Variants in NOXRED1 observed in about 807,000 individuals in gnomAD.
The protein encoded by NOXRED1 is NADP-dependent oxidoreductase domain-containing protein 1.
NOXRED1 carries 20 observed loss-of-function variants against 30.4 expected under a neutral mutation model. The ratio of observed to expected loss-of-function variants is 0.66; its 90% CI spans 0.46 to 0.96. NOXRED1 has a LOEUF of 0.96. NOXRED1 is among the 40% of genes least tolerant of loss of function. The pLI is 0.00. For synonymous variants in NOXRED1, 155 were observed against 168.0 expected (o/e 0.92, Z 0.60); for missense variants, 374 against 428.0 (o/e 0.87, Z 1.11).
intron 5 of NOXRED1, among the ~76,000 whole-genome samples, chr14:77,398,823 G>T (rs1478165572): frequency 1.3e-5 from 2 of 152,002 alleles, no homozygotes; most frequent in African/African-American, 4.8e-5. Context: ...ACAAAAATTA[G>T]CTGGGTGTGG....
At chr14:77,414,164 T>C (rs1894746273) in intron 1 of NOXRED1, 37 bp from the exon 2 acceptor site, 1 of 1,257,496 alleles carries the variant, frequency 8.0e-7, no homozygotes, top group African/African-American at 1.6e-5. Context: ...CATAAATACA[T>C]GCACACACTA....
chr14:77,415,181 AACACACACACACACACACACACAC>A (rs57039967), intron 1 of NOXRED1, among the ~76,000 whole-genome samples: 2 of 149,402 alleles, frequency 1.3e-5, no homozygotes, highest in African/African-American at 5.0e-5. Flanking sequence ...GTCTCAGGAA[AACACACACACACACACACACACAC>A]ACACACACAC....
Position 77,423,185 on chromosome 14 carries a change from G to T in NOXRED1, c.-296C>A. 3.3e-6 allele frequency: 1 copy of T among 306,818 alleles called. No individual in the cohort carries two copies. Among genetic ancestry groups the T allele is most frequent in the Non-Finnish European group, 6.0e-6 (1 of 166,780 alleles). The allele number at this position is 306,818 out of a possible 1,614,324, so 19.0% of individuals were successfully genotyped here. A position where few individuals can be genotyped will look rare whatever the true frequency, so the allele number is the denominator to read the frequency against. On this transcript the variant is annotated 5_prime_UTR_variant, in exon 1 of 6. The change creates a new upstream start codon in the 5' untranslated region. Coordinates refer to ENST00000380835, the MANE Select transcript of NOXRED1 (RefSeq NM_001113475.3). ...ACCCAAAGTATTGTTTCTCCACACA[G>T]GTTACAGGCACTGTTTTCGGCAGAT...
At chr14:77,416,583 A>G (rs1894830047) in intron 1 of NOXRED1, among the ~76,000 whole-genome samples, 1 of 152,184 alleles carries the variant, frequency 6.6e-6, no homozygotes, top group Non-Finnish European at 1.5e-5. Flanking sequence ...ACAAAATGAA[A>G]AGTCTCCCAT....
chr14:77,412,853 AT>A (rs1275750893), intron 2 of NOXRED1, among the ~76,000 whole-genome samples: 1 of 152,068 alleles, frequency 6.6e-6, no homozygotes, highest in East Asian at 1.9e-4. Context: ...ATGATACATT[AT>A]GTAAAAAAAA....
intron 5 of NOXRED1, among the ~76,000 whole-genome samples, chr14:77,405,068 C>T (rs894988902): frequency 2.0e-5 from 3 of 152,108 alleles, no homozygotes; most frequent in Non-Finnish European, 4.4e-5. Flanking sequence ...CATATGCCAC[C>T]GAAATACTGG....
chr14:77,415,917 G>T (rs1278048052), intron 1 of NOXRED1, among the ~76,000 whole-genome samples: 1 of 151,874 alleles, frequency 6.6e-6, no homozygotes, highest in Non-Finnish European at 1.5e-5. Flanking sequence ...GGTTCTCCAT[G>T]TTGGCCAGGC....
intron 2 of NOXRED1, among the ~76,000 whole-genome samples, chr14:77,412,996 G>C (rs543107955): frequency 6.6e-6 from 1 of 151,860 alleles, no homozygotes; most frequent in African/African-American, 2.4e-5. Flanking sequence ...TCTACAATAT[G>C]CATATTATTT....
intron 5 of NOXRED1, among the ~76,000 whole-genome samples, chr14:77,404,911 T>G (rs920581690): frequency 2.6e-5 from 4 of 152,188 alleles, no homozygotes; most frequent in Non-Finnish European, 5.9e-5. Flanking sequence ...TCAAAAATAT[T>G]TATTTGATAG....
upstream of NOXRED1, among the ~76,000 whole-genome samples, chr14:77,423,868 T>C (rs773560312): frequency 6.6e-6 from 1 of 152,200 alleles, no homozygotes; most frequent in East Asian, 1.9e-4. Flanking sequence ...AAATTAGCCA[T>C]TTTAAAGTGA....
At chr14:77,413,628 C>T (rs1417034009) in intron 2 of NOXRED1, among the ~76,000 whole-genome samples, 3 of 152,148 alleles carry the variant, frequency 2.0e-5, no homozygotes, top group African/African-American at 7.2e-5. Flanking sequence ...CAACCAGACC[C>T]TAACTGATTC....
chr14:77,422,728 G>A lies in NOXRED1; in HGVS notation c.155+7C>T, dbSNP rs148712624. ...TCCATCTTCCTGAATTTGGATACTC[G>A]GCTTACCTCAAATTATATAATAGTT... is the stretch of plus-strand genomic sequence containing the variant. On this transcript the variant is annotated splice_region_variant and intron_variant, in intron 1 of 5. Transcript: ENST00000380835. The A allele has an allele frequency of 8.7e-4, 1,402 of 1,613,144 alleles. 14 individuals carry two copies. The African/African-American group carries it at 0.016, about 18-fold the overall frequency.
chr14:77,401,350 C>T (rs948807140), intron 5 of NOXRED1, among the ~76,000 whole-genome samples: 2 of 151,196 alleles, frequency 1.3e-5, no homozygotes, highest in African/African-American at 4.9e-5. Context: ...CCAGCATGGG[C>T]AACAGAACAA....
intron 5 of NOXRED1, among the ~76,000 whole-genome samples, chr14:77,404,323 T>A (rs1177304178): frequency 6.6e-6 from 1 of 152,212 alleles, no homozygotes; most frequent in Non-Finnish European, 1.5e-5. Context: ...TGTCCATTGA[T>A]GATTGATTGG....
intron 5 of NOXRED1, 100 bp downstream of exon 5, chr14:77,405,813 T>G (rs1429385453): frequency 9.9e-6 from 7 of 704,094 alleles, no homozygotes; most frequent in Non-Finnish European, 2.4e-6. Flanking sequence ...ATAATTTTTA[T>G]CAATGTTTAA....
At chr14:77,423,615 C>T (rs548537746), upstream of NOXRED1, 84 of 152,298 alleles carry the variant, frequency 5.5e-4, no homozygotes, top group African/African-American at 2.0e-3. Context: ...GAGGCCAGCC[C>T]CACTTAGAGG....
At chr14:77,406,254 G>A in intron 4 of NOXRED1, 119 bp from the exon 5 acceptor site, 1 of 663,208 alleles carries the variant, frequency 1.5e-6, no homozygotes, top group African/African-American at 1.8e-5. Context: ...TTGGTAATAT[G>A]AACCACAAGA....
At position 77,405,856 on chromosome 14, in the gene NOXRED1, TTAAC is replaced by T. The variant is rs1894442902; in HGVS notation, c.905+53_905+56del. The T allele has an allele frequency of 3.9e-6, 4 of 1,017,776 alleles. No individual in the cohort carries two copies. In the East Asian group the frequency reaches 9.5e-5, roughly 24 times the overall value. 63.0% of individuals were successfully genotyped at this position (1,017,776 alleles called of 1,614,324 possible). A position where few individuals can be genotyped will look rare whatever the true frequency, so the allele number is the denominator to read the frequency against. On this transcript the variant is annotated intron_variant, in intron 5 of 5. Transcript: ENST00000380835. ...ATGAAAGGATAAAAGAAAAAAAGCA[TTAAC>T]TAAGAGAAGAGTCTGGGAGAAATGA...
At chr14:77,416,617 C>T (rs531877794) in intron 1 of NOXRED1, among the ~76,000 whole-genome samples, 14 of 152,346 alleles carry the variant, frequency 9.2e-5, no homozygotes, top group South Asian at 6.2e-4. Context: ...TACACAGACA[C>T]GGCAACCATC....
Sources: gnomAD v4.1 joint callset for allele counts (sites outside exome capture counted in the v4.1 genomes callset) on GRCh38, gnomAD v4.1.1 for gene constraint, MANE v1.5 for transcripts, NCBI Gene and HGNC (gene_info 2026-07-23, HGNC 2026-07-21) for gene names.